The following TAS2R1 variants were observed in gnomAD, a reference collection of about 807,000 sequenced individuals.
TAS2R1 encodes the protein taste receptor type 2 member 1.
For synonymous variants in TAS2R1, 141 were observed against 134.2 expected, an observed-to-expected ratio of 1.05 and a Z score of -0.35; for missense variants, 370 against 353.4, an observed-to-expected ratio of 1.05 and a Z score of -0.38.
At chr5:9,862,353 A>G in the TAS2R1 span, among the ~76,000 whole-genome samples, 1 of 152,180 alleles carries the variant, frequency 6.6e-6, no homozygotes, top group Non-Finnish European at 1.5e-5. Flanking sequence ...GGCATGAAGC[A>G]GAGAGCTAGT....
intron 1 of TAS2R1, among the ~76,000 whole-genome samples, chr5:9,667,843 G>T (rs935800646): frequency 6.6e-6 from 1 of 152,246 alleles, no homozygotes; most frequent in East Asian, 1.9e-4. Flanking sequence ...ACCAATGCAA[G>T]AATTATGGCA....
At position 9,641,099 on chromosome 5, in the gene TAS2R1, G is replaced by A. The variant is rs1021713626; in HGVS notation, c.-80-11107C>T. Among the ~76,000 whole-genome samples the A allele has an allele frequency of 4.8e-4, 73 of 152,254 alleles. 1 individual carries two copies. Among genetic ancestry groups the A allele is most frequent in the African/African-American group, 1.6e-3 (67 of 41,556 alleles). The stretch of plus-strand genomic sequence containing the variant: ...TGAAAAAAAAAAGTTCACATCCTGA[G>A]TCTAGGATAGCAATACAGTTTTTCG... On this transcript the variant is annotated intron_variant, in intron 2 of 2. Transcript: ENST00000506620.
At chr5:9,684,164 G>A (rs771982353) in intron 1 of TAS2R1, among the ~76,000 whole-genome samples, 8 of 152,146 alleles carry the variant, frequency 5.3e-5, no homozygotes, top group Middle Eastern at 3.2e-3. Context: ...CTCATCAATG[G>A]ATGAATGGAT....
At chr5:9,838,508 G>C in the TAS2R1 span, among the ~76,000 whole-genome samples, 2 of 152,150 alleles carry the variant, frequency 1.3e-5, no homozygotes, top group African/African-American at 4.8e-5. Flanking sequence ...TACAAAGCAG[G>C]TTGCCTGTTA....
chr5:9,629,448 C>A lies in TAS2R1; in HGVS notation c.585G>T (p.Leu195Phe), dbSNP rs771063946. The change falls in exon 1 of 1, where the codon TTG becomes TTT. Residue 195 changes from leucine (L) to phenylalanine (F), a missense_variant. Coordinates refer to ENST00000382492, the MANE Select transcript of TAS2R1 (RefSeq NM_019599.3). ...VPLLIFLFAV[L>F]LLIFSLGRHT... ...GCCTCCCCAGAGAGAAAATCAAGAG[C>A]AAAACAGCAAAAAGGAAGATAAGCA... 1.2e-6 allele frequency: 2 copies of A among 1,613,908 alleles called. No individual in the cohort carries two copies. Among genetic ancestry groups the A allele is most frequent in the Non-Finnish European group, 1.7e-6 (2 of 1,179,960 alleles).
At chr5:9,759,183 T>C in the TAS2R1 span, among the ~76,000 whole-genome samples, 5 of 152,236 alleles carry the variant, frequency 3.3e-5, no homozygotes, top group Non-Finnish European at 5.9e-5. Context: ...TGTCAAAATA[T>C]ATTCAAAATT....
At chr5:9,855,647 C>G in the TAS2R1 span, among the ~76,000 whole-genome samples, 1 of 152,336 alleles carries the variant, frequency 6.6e-6, no homozygotes, top group East Asian at 1.9e-4. Context: ...GAGAGAGATG[C>G]CTCCAAGTTT....
the TAS2R1 span, among the ~76,000 whole-genome samples, chr5:9,878,302 T>C: frequency 1.3e-5 from 2 of 152,212 alleles, no homozygotes; most frequent in African/African-American, 4.8e-5. Flanking sequence ...TATTTCCTTT[T>C]AGATTCTCCT....
intron 1 of TAS2R1, among the ~76,000 whole-genome samples, chr5:9,670,641 A>G (rs1166301777): frequency 6.6e-6 from 1 of 152,154 alleles, no homozygotes; most frequent in Non-Finnish European, 1.5e-5. Flanking sequence ...AAACTGAAGC[A>G]GTAATAAAAA....
At chr5:9,810,571 T>G in the TAS2R1 span, among the ~76,000 whole-genome samples, 1 of 151,966 alleles carries the variant, frequency 6.6e-6, no homozygotes, top group Admixed American at 6.6e-5. Flanking sequence ...CAGGGGGGCA[T>G]GGGGTTATAA....
At chr5:9,814,720 G>A in the TAS2R1 span, among the ~76,000 whole-genome samples, 1 of 152,136 alleles carries the variant, frequency 6.6e-6, no homozygotes, top group East Asian at 1.9e-4. Context: ...GGACTAAGGA[G>A]AAGATGAAAT....
the TAS2R1 span, among the ~76,000 whole-genome samples, chr5:9,796,644 G>A: frequency 6.8e-6 from 1 of 146,490 alleles, no homozygotes; most frequent in African/African-American, 2.6e-5. Flanking sequence ...ACAAAAGAGT[G>A]GCCTGAAAGT....
intron 1 of TAS2R1, among the ~76,000 whole-genome samples, chr5:9,707,996 C>CTCTAGCGTTTGT (rs1387890749): frequency 1.3e-5 from 2 of 152,162 alleles, no homozygotes; most frequent in Admixed American, 6.5e-5. Flanking sequence ...GAAGCTTTAT[C>CTCTAGCGTTTGT]TCTAGCGTTT....
intron 1 of TAS2R1, among the ~76,000 whole-genome samples, chr5:9,674,856 G>A (rs1052703396): frequency 9.9e-5 from 15 of 151,752 alleles, no homozygotes; most frequent in Non-Finnish European, 4.4e-5. Flanking sequence ...AGTTCTAGCT[G>A]GTGCAATAAT....
chr5:9,842,312 CTCTCTTTTT>C, the TAS2R1 span, among the ~76,000 whole-genome samples: 1 of 120,378 alleles, frequency 8.3e-6, no homozygotes, highest in African/African-American at 3.0e-5. Flanking sequence ...GTCTTTCTTT[CTCTCTTTTT>C]TTTTTTTTTT....
Position 9,628,523 on chromosome 5 carries a change from G to A in TAS2R1, c.*610C>T, listed in dbSNP as rs936893773. 2.0e-5 allele frequency among the ~76,000 whole-genome samples: 3 copies of A among 152,156 alleles called. No homozygotes were observed. Among genetic ancestry groups the A allele is most frequent in the Non-Finnish European group, 4.4e-5 (3 of 68,030 alleles). The stretch of plus-strand genomic sequence containing the variant: ...AGGCTCTCTGCAGGATGAAGTAGGA[G>A]AATATGCTTATAAGGATGGAGAAGG... On this transcript the variant is annotated 3_prime_UTR_variant, in exon 1 of 1. Coordinates refer to ENST00000382492, the MANE Select transcript of TAS2R1 (RefSeq NM_019599.3).
the TAS2R1 span, among the ~76,000 whole-genome samples, chr5:9,726,563 A>C: frequency 6.6e-6 from 1 of 152,182 alleles, no homozygotes; most frequent in Non-Finnish European, 1.5e-5. Context: ...CTCACTGTGA[A>C]GGTCTATAGC....
At chr5:9,675,902 T>C (rs956152024) in intron 1 of TAS2R1, among the ~76,000 whole-genome samples, 1 of 152,172 alleles carries the variant, frequency 6.6e-6, no homozygotes, top group African/African-American at 2.4e-5. Context: ...TTGAATTAAG[T>C]GGTACGAGTG....
chr5:9,721,357 TC>T, the TAS2R1 span, among the ~76,000 whole-genome samples: 2 of 152,172 alleles, frequency 1.3e-5, no homozygotes, highest in African/African-American at 4.8e-5. Flanking sequence ...AGGTGGGTGT[TC>T]CCCGGTGCTG....
Sources: gnomAD v4.1 joint callset for allele counts (sites outside exome capture counted in the v4.1 genomes callset) on GRCh38, gnomAD v4.1.1 for gene constraint, MANE v1.5 for transcripts, NCBI Gene and HGNC (gene_info 2026-07-23, HGNC 2026-07-21) for gene names.